The following PTPRD variants were observed in gnomAD, a reference collection of about 807,000 sequenced individuals.
The protein encoded by PTPRD is protein tyrosine phosphatase receptor type D.
Under a neutral mutation model 214.5 loss-of-function variants are expected in PTPRD, and 34 were observed. That is an observed-to-expected ratio of 0.16 (90% CI 0.12 to 0.21). The LOEUF is 0.21. Among genes scored for constraint, PTPRD ranks in the 10% least tolerant of loss-of-function variants. The pLI, the probability that PTPRD is intolerant of heterozygous loss-of-function variation, is 1.00. For missense variants in PTPRD, 2,545 were observed against 2,398.7 expected, an observed-to-expected ratio of 1.06 and a Z score of -1.27; for synonymous variants, 1,128 against 845.7, an observed-to-expected ratio of 1.33 and a Z score of -5.79.
Position 8,937,852 on chromosome 9 carries a change from A to G in PTPRD, c.-104+80845T>C, listed in dbSNP as rs370478420. 4.4e-4 allele frequency among the ~76,000 whole-genome samples: 67 copies of G among 152,290 alleles called. 1 individual carries two copies. The East Asian group carries it at 0.01, about 23-fold the overall frequency. On this transcript the variant is annotated intron_variant, in intron 11 of 45. Coordinates refer to ENST00000381196, the MANE Select transcript of PTPRD (RefSeq NM_002839.4). Reference sequence around the variant, plus strand: ...TCTTGTGGCTACATTTTGTTAACTGATTCCCTGATTCAAAGTATAAACTGA... The same window carrying G: ...TCTTGTGGCTACATTTTGTTAACTGGTTCCCTGATTCAAAGTATAAACTGA...
At chr9:9,017,728 T>C (rs2099542346) in intron 11 of PTPRD, among the ~76,000 whole-genome samples, 1 of 152,152 alleles carries the variant, frequency 6.6e-6, no homozygotes, top group Non-Finnish European at 1.5e-5. Flanking sequence ...GACTAGAATT[T>C]TTTTCTTTTT....
chr9:8,466,914 A>G (rs2096555612), intron 31 of PTPRD, among the ~76,000 whole-genome samples: 1 of 151,824 alleles, frequency 6.6e-6, no homozygotes, highest in African/African-American at 2.4e-5. Context: ...GATCAAGGCT[A>G]GGCTTCTGTG....
intron 9 of PTPRD, among the ~76,000 whole-genome samples, chr9:9,230,715 G>A (rs936218068): frequency 1.3e-5 from 2 of 152,104 alleles, no homozygotes; most frequent in African/African-American, 4.8e-5. Flanking sequence ...GTTGTCAGGA[G>A]TGTTGCGCAT....
At chr9:9,101,227 A>G (rs2099790925) in intron 10 of PTPRD, among the ~76,000 whole-genome samples, 1 of 152,110 alleles carries the variant, frequency 6.6e-6, no homozygotes, top group African/African-American at 2.4e-5. Flanking sequence ...TATAGATATA[A>G]AAAAAGATCT....
At chr9:9,573,509 TTC>T (rs2087256936) in intron 8 of PTPRD, among the ~76,000 whole-genome samples, 1 of 151,692 alleles carries the variant, frequency 6.6e-6, no homozygotes, top group Non-Finnish European at 1.5e-5. Flanking sequence ...ATAAGTAATT[TTC>T]TCTATGTATA....
At chr9:9,526,530 G>C (rs1392318548) in intron 8 of PTPRD, among the ~76,000 whole-genome samples, 1 of 152,134 alleles carries the variant, frequency 6.6e-6, no homozygotes, top group African/African-American at 2.4e-5. Flanking sequence ...TTTTTATGCA[G>C]ATGCTTTACT....
At position 10,240,874 on chromosome 9, in the gene PTPRD, C is replaced by A. The variant is rs569974444; in HGVS notation, c.-545+100089G>T. ...ATCCATCAAAATTAAAATAATTAGA[C>A]TTTTTCAAAACCTAAACCTTTTGCT... On this transcript the variant is annotated intron_variant, in intron 3 of 45. Coordinates refer to ENST00000381196, the MANE Select transcript of PTPRD (RefSeq NM_002839.4). 6.6e-5 allele frequency among the ~76,000 whole-genome samples: 10 copies of A among 151,808 alleles called. No individual in the cohort carries two copies. The East Asian group carries it at 1.8e-3, about 27-fold the overall frequency.
At chr9:8,335,102 T>G (rs1008096892) in intron 43 of PTPRD, among the ~76,000 whole-genome samples, 38 of 147,244 alleles carry the variant, frequency 2.6e-4, no homozygotes, top group Non-Finnish European at 4.0e-4. Flanking sequence ...CTTCTGAAAC[T>G]ATTCCAAACA....
intron 11 of PTPRD, among the ~76,000 whole-genome samples, chr9:8,785,532 G>A (rs2095908624): frequency 6.6e-6 from 1 of 152,150 alleles, no homozygotes; most frequent in African/African-American, 2.4e-5. Context: ...CCTTACTATT[G>A]CTTCCTGCCA....
intron 5 of PTPRD, among the ~76,000 whole-genome samples, chr9:9,827,906 C>T (rs896699551): frequency 2.0e-5 from 3 of 152,128 alleles, no homozygotes; most frequent in African/African-American, 4.8e-5. Flanking sequence ...TGAAAAAATG[C>T]TCATCATCAC....
intron 10 of PTPRD, among the ~76,000 whole-genome samples, chr9:9,102,897 G>A (rs941672870): frequency 1.3e-5 from 2 of 152,114 alleles, no homozygotes; most frequent in African/African-American, 2.4e-5. Flanking sequence ...ATGAATTAAC[G>A]CTATAATTTG....
intron 7 of PTPRD, among the ~76,000 whole-genome samples, chr9:9,622,822 T>A (rs917521355): frequency 3.3e-5 from 5 of 152,212 alleles, no homozygotes; most frequent in African/African-American, 1.2e-4. Flanking sequence ...GGGGTCTTTA[T>A]TACATCTAGC....
intron 11 of PTPRD, among the ~76,000 whole-genome samples, chr9:8,739,741 ATCTCATCTTGAAT>A (rs2091431652): frequency 6.6e-6 from 1 of 152,142 alleles, no homozygotes; most frequent in Non-Finnish European, 1.5e-5. Flanking sequence ...CCCCACCCAA[ATCTCATCTTGAAT>A]TCTCATGTGT....
At chr9:8,680,892 G>C (rs1167043435) in intron 12 of PTPRD, among the ~76,000 whole-genome samples, 1 of 152,208 alleles carries the variant, frequency 6.6e-6, no homozygotes, top group East Asian at 1.9e-4. Context: ...TCACGGGACT[G>C]ATTTGAGTTT....
At chr9:9,643,283 G>A (rs2096030863) in intron 7 of PTPRD, among the ~76,000 whole-genome samples, 1 of 152,080 alleles carries the variant, frequency 6.6e-6, no homozygotes, top group Non-Finnish European at 1.5e-5. Context: ...ATGACAAACT[G>A]CAACATGTAA....
At chr9:9,552,185 A>T (rs2080445610) in intron 8 of PTPRD, among the ~76,000 whole-genome samples, 1 of 152,008 alleles carries the variant, frequency 6.6e-6, no homozygotes, top group Non-Finnish European at 1.5e-5. Context: ...AAATTGATTT[A>T]CCCAGTCTGA....
intron 8 of PTPRD, among the ~76,000 whole-genome samples, chr9:9,408,101 G>A (rs972843915): frequency 6.6e-6 from 1 of 151,714 alleles, no homozygotes; most frequent in Non-Finnish European, 1.5e-5. Flanking sequence ...AGTAACATTG[G>A]CAGTAGAGAG....
chr9:8,774,483 C>T (rs575284538), intron 11 of PTPRD, among the ~76,000 whole-genome samples: 1 of 147,498 alleles, frequency 6.8e-6, no homozygotes, highest in South Asian at 2.1e-4. Context: ...AACATAAATG[C>T]AACAATGTTA....
intron 3 of PTPRD, among the ~76,000 whole-genome samples, chr9:10,191,740 T>G (rs1436886395): frequency 5.3e-5 from 8 of 152,176 alleles, no homozygotes; most frequent in Non-Finnish European, 8.8e-5. Flanking sequence ...TCTCAGTGAC[T>G]TCCTCAGTGT....
Sources: allele counts gnomAD v4.1 joint callset (sites outside exome capture counted in the v4.1 genomes callset), GRCh38; gene constraint gnomAD v4.1.1; transcripts MANE v1.5; gene names NCBI Gene and HGNC (gene_info 2026-07-23, HGNC 2026-07-21).